The following MFSD1 variants were observed in gnomAD, a reference collection of about 807,000 sequenced individuals.
MFSD1 encodes major facilitator superfamily domain containing 1, also known as lysosomal dipeptide transporter MFSD1.
Under a neutral mutation model 67.1 loss-of-function variants are expected in MFSD1, and 59 were observed. The ratio of observed to expected loss-of-function variants is 0.88; its 90% CI spans 0.71 to 1.09. The LOEUF is 1.09. Among genes scored for constraint, MFSD1 ranks in the 50% least tolerant of loss-of-function variants. The pLI, the probability that MFSD1 is intolerant of heterozygous loss-of-function variation, is 0.00. For missense variants in MFSD1, 552 were observed against 566.1 expected (o/e 0.97, Z 0.25); for synonymous variants, 213 against 200.3 (o/e 1.06, Z -0.54).
intron 6 of MFSD1, 28 bp downstream of exon 6, chr3:158,809,315 C>G: frequency 7.1e-7 from 1 of 1,404,824 alleles, no homozygotes; most frequent in Non-Finnish European, 9.9e-7. Context: ...CCTGATGAAG[C>G]CAAATGGAAG....
At chr3:158,826,983 C>T (rs1056143257) in intron 14 of MFSD1, among the ~76,000 whole-genome samples, 2 of 152,080 alleles carry the variant, frequency 1.3e-5, no homozygotes, top group African/African-American at 4.8e-5. Flanking sequence ...TCTTAATTTT[C>T]ACTATTATTG....
Position 158,802,118 on chromosome 3 carries a change from TCAC to T in MFSD1, c.-31_-29del. The T allele has an allele frequency of 6.2e-7, 1 of 1,608,528 alleles. No individual in the cohort carries two copies. Among genetic ancestry groups the T allele is most frequent in the South Asian group, 1.1e-5 (1 of 90,328 alleles). Reference sequence around the variant, plus strand: ...TGCTTCCTGCCTGGGTTTGGAGTTGTCACCACTTTCCCCTCTCCGTCTCCTGCG... The same window carrying T: ...TGCTTCCTGCCTGGGTTTGGAGTTGTCACTTTCCCCTCTCCGTCTCCTGCG... On this transcript the variant is annotated 5_prime_UTR_variant, in exon 1 of 16. Transcript: ENST00000415822.
At chr3:158,825,993 C>T in intron 13 of MFSD1, 22 bp from the exon 14 acceptor site, 1 of 1,597,532 alleles carries the variant, frequency 6.3e-7, no homozygotes, top group Non-Finnish European at 8.6e-7. Context: ...ATTTTAAGGG[C>T]CCTATGTTTT....
In MFSD1 at chr3:158,822,140, G is replaced by C. The variant is rs768293331; in HGVS notation, c.1077G>C (p.Met359Ile). ...AFTMWNPWIAMCLLGLSYSLL... is the reference protein window; with the variant it reads ...AFTMWNPWIAICLLGLSYSLL... ...CGATGTGGAACCCTTGGATTGCTAT[G>C]GTAACGTCTGTGTTAGCCCATGGTG... The change falls in exon 11 of 16, where the codon ATG (methionine) becomes ATC (isoleucine). Residue 359 changes from methionine to isoleucine, a missense_variant and splice_region_variant. Met to Ile is a conservative substitution (Grantham distance 10, BLOSUM62 1). Transcript: ENST00000415822. The C allele has an allele frequency of 6.2e-7, 1 of 1,609,560 alleles. No individual in the cohort carries two copies. The highest frequency in any genetic ancestry group is 8.5e-7 in the Non-Finnish European group (1 of 1,176,704).
chr3:158,824,056 G>A lies in MFSD1; in HGVS notation c.1176-68G>A, dbSNP rs141103119. On this transcript the variant is annotated intron_variant, in intron 12 of 15. Transcript: ENST00000415822. ...TGGTTCACAGATACTAATATTTATA[G>A]TGAAGTGTTAGCCTATGTGTGAAGA... 667 of 1,022,176 alleles carry A rather than the reference G, an allele frequency of 6.5e-4. 5 individuals are homozygous for A. In the African/African-American group the frequency reaches 9.9e-3, roughly 15 times the overall value. 63.3% of individuals were successfully genotyped at this position (1,022,176 alleles called of 1,614,324 possible).
intron 8 of MFSD1, 26 bp from the exon 9 acceptor site, chr3:158,820,189 A>G (rs775079716): frequency 7.6e-7 from 1 of 1,321,836 alleles, no homozygotes; most frequent in African/African-American, 1.4e-5. Context: ...AATTATGCTG[A>G]TAGTGTCTTC....
At chr3:158,808,854 C>T (rs1729857063) in intron 5 of MFSD1, 2 of 223,796 alleles carry the variant, frequency 8.9e-6, no homozygotes, top group African/African-American at 2.3e-5. Flanking sequence ...AAGACTGGGA[C>T]TGCTGACTGG....
intron 5 of MFSD1, 140 bp downstream of exon 5, chr3:158,807,603 C>A: frequency 1.5e-6 from 1 of 651,484 alleles, no homozygotes. Flanking sequence ...AAGAGTATTT[C>A]TTAGTTGTCT....
chr3:158,824,182 C>G lies in MFSD1; in HGVS notation c.1234C>G (p.Leu412Val), dbSNP rs372091495. Reference sequence around the variant, plus strand: ...CATTTCCATCATTGCTGGTATGATACTGGATTCTCGGGGGTATTTGTTTTT... The same window carrying G: ...CATTTCCATCATTGCTGGTATGATAGTGGATTCTCGGGGGTATTTGTTTTT... ...AIISIIAGMI[L>V]DSRGYLFLEV... Residue 412 changes from leucine to valine, a missense_variant, in exon 13 of 16, where the codon CTG becomes GTG. By Grantham distance (32) the Leu-to-Val change is conservative (BLOSUM62 1). Coordinates refer to ENST00000415822, the MANE Select transcript of MFSD1 (RefSeq NM_022736.4). 6.4e-5 allele frequency: 104 copies of G among 1,613,290 alleles called. No individual in the cohort carries two copies. Among genetic ancestry groups the G allele is most frequent in the Non-Finnish European group, 8.6e-5 (102 of 1,179,746 alleles).
chr3:158,818,708 A>G (rs937460384), intron 7 of MFSD1, among the ~76,000 whole-genome samples: 2 of 152,182 alleles, frequency 1.3e-5, no homozygotes, highest in African/African-American at 4.8e-5. Context: ...AGGCAAGCAT[A>G]TTTAAAGATT....
At position 158,802,309 on chromosome 3, in the gene MFSD1, G is replaced by A. The variant is rs1254681227; in HGVS notation, c.157G>A (p.Gly53Ser). 21 of 1,608,834 alleles carry A rather than the reference G, an allele frequency of 1.3e-5. No individual in the cohort carries two copies. Among genetic ancestry groups the A allele is most frequent in the Non-Finnish European group, 1.7e-5 (20 of 1,176,760 alleles). ...GGTGCTGTTACTGATGTGCTTCCTTGGCTTTGGTGAGCCGGCCGGGTGGGT... is the reference window on the plus strand; with the variant it reads ...GGTGCTGTTACTGATGTGCTTCCTTAGCTTTGGTGAGCCGGCCGGGTGGGT... ...LLVLLLMCFL[G>S]FGSYFCYDNP... The change falls in exon 1 of 16, where the codon GGC (glycine) becomes AGC (serine). Residue 53 changes from glycine (G) to serine (S), a missense_variant. Coordinates refer to ENST00000415822, the MANE Select transcript of MFSD1 (RefSeq NM_022736.4).
chr3:158,812,373 A>G lies in MFSD1; in HGVS notation c.550-1592A>G, dbSNP rs577976564. On this transcript the variant is annotated intron_variant, in intron 6 of 15. Transcript: ENST00000415822. The stretch of plus-strand genomic sequence containing the variant: ...AAATCATCTTACATGGACGCTAAAT[A>G]CATAAATCAGATAAAAGTTGAGCAG... Among the ~76,000 whole-genome samples the G allele has an allele frequency of 6.6e-5, 10 of 152,318 alleles. No homozygotes were observed. In the East Asian group the frequency reaches 1.4e-3, roughly 21 times the overall value.
In MFSD1 at chr3:158,826,040, C is replaced by T; in HGVS notation, c.1314C>T (p.Leu438=). 1 of 1,613,528 alleles carries T rather than the reference C, an allele frequency of 6.2e-7. No individual in the cohort carries two copies. Among genetic ancestry groups the T allele is most frequent in the Non-Finnish European group, 8.5e-7 (1 of 1,179,630 alleles). Residue 438 remains leucine, a synonymous_variant, in exon 14 of 16, where the codon CTC becomes CTT. Coordinates refer to ENST00000415822, the MANE Select transcript of MFSD1 (RefSeq NM_022736.4). ...TGTCACTTTTATCTGTGGTCTTACT[C>T]TATTTGGTGAATCGTGCCCAGGGTA... ...VSLSLLSVVL[L]YLVNRAQGGN...
chr3:158,804,809 T>G (rs758487396), intron 2 of MFSD1, among the ~76,000 whole-genome samples: 31 of 152,226 alleles, frequency 2.0e-4, no homozygotes, highest in Non-Finnish European at 4.0e-4. Flanking sequence ...TTTAGTCTGG[T>G]TTTGTATTGT....
chr3:158,827,844 C>T (rs1358257400), intron 15 of MFSD1, among the ~76,000 whole-genome samples: 10 of 145,172 alleles, frequency 6.9e-5, no homozygotes, highest in Admixed American at 4.3e-4. Flanking sequence ...AGGCTTGAAA[C>T]GAAGAAAAAA....
chr3:158,804,680 G>A (rs766233584), intron 2 of MFSD1, among the ~76,000 whole-genome samples: 1 of 152,196 alleles, frequency 6.6e-6, no homozygotes, highest in Non-Finnish European at 1.5e-5. Flanking sequence ...CCAGTGCTTA[G>A]TCACCCGAAT....
chr3:158,804,914 AC>A (rs768236200), intron 2 of MFSD1, among the ~76,000 whole-genome samples: 1 of 152,084 alleles, frequency 6.6e-6, no homozygotes, highest in Non-Finnish European at 1.5e-5. Flanking sequence ...GCATAGGTTG[AC>A]CCTTTTCATT....
At chr3:158,817,453 T>C (rs540011928) in intron 7 of MFSD1, among the ~76,000 whole-genome samples, 107 of 152,260 alleles carry the variant, frequency 7.0e-4, no homozygotes, top group Non-Finnish European at 1.3e-3. Context: ...TATACACCAA[T>C]AACAGACAAA....
intron 15 of MFSD1, among the ~76,000 whole-genome samples, chr3:158,827,917 A>G (rs186496978): frequency 0.013 from 1,194 of 89,702 alleles, 50 homozygotes; most frequent in African/African-American, 0.044. Context: ...AGAGAGGGGG[A>G]GAGAGAGAGA....
Sources: allele counts gnomAD v4.1 joint callset (sites outside exome capture counted in the v4.1 genomes callset), GRCh38; gene constraint gnomAD v4.1.1; transcripts MANE v1.5; gene names NCBI Gene and HGNC (gene_info 2026-07-23, HGNC 2026-07-21).